The following BTC variants were observed in gnomAD, a reference collection of about 807,000 sequenced individuals.
The protein encoded by BTC is betacellulin.
In BTC, 13 loss-of-function variants were observed where a neutral mutation model predicts 18.1. That is an observed-to-expected ratio of 0.72 (90% CI 0.47 to 1.14). The LOEUF is 1.14. Among genes scored for constraint, BTC ranks in the 50% most tolerant of loss-of-function variants. The pLI is 0.00. For synonymous variants in BTC, 83 were observed against 79.4 expected (o/e 1.05, Z -0.24); for missense variants, 247 against 224.2 (o/e 1.10, Z -0.65).
chr4:74,790,763 T>C (rs1725602249), intron 1 of BTC, among the ~76,000 whole-genome samples: 3 of 152,132 alleles, frequency 2.0e-5, no homozygotes, highest in South Asian at 4.1e-4. Context: ...GTCTGACCAA[T>C]ACCAACTGAA....
intron 2 of BTC, among the ~76,000 whole-genome samples, chr4:74,757,318 G>C (rs1428203784): frequency 2.0e-5 from 3 of 152,214 alleles, no homozygotes; most frequent in Non-Finnish European, 4.4e-5. Flanking sequence ...TGTGATTCCA[G>C]GTCACAGTGC....
rs534476511 is a variant in BTC at position 74,775,200 on chromosome 4, G to T, written c.65-5044C>A. ...ACTTTGGAGCAAAGCCAAGCTGCAGGTTCTATTTTGGGGAATCATGGAAAA... is the reference window on the plus strand; with the variant it reads ...ACTTTGGAGCAAAGCCAAGCTGCAGTTTCTATTTTGGGGAATCATGGAAAA... On this transcript the variant is annotated intron_variant, in intron 1 of 5. Coordinates refer to ENST00000395743, the MANE Select transcript of BTC (RefSeq NM_001729.4). Among the ~76,000 whole-genome samples the T allele has an allele frequency of 5.3e-5, 8 of 152,234 alleles. No homozygotes were observed. The South Asian group carries it at 1.7e-3, about 32-fold the overall frequency.
At chr4:74,778,720 C>T (rs1203593963) in intron 1 of BTC, among the ~76,000 whole-genome samples, 1 of 152,170 alleles carries the variant, frequency 6.6e-6, no homozygotes, top group Non-Finnish European at 1.5e-5. Context: ...TCAGTTCTGA[C>T]CCCTTGGTGA....
intron 1 of BTC, among the ~76,000 whole-genome samples, chr4:74,792,688 G>C (rs1351294218): frequency 6.6e-6 from 1 of 152,066 alleles, no homozygotes; most frequent in Non-Finnish European, 1.5e-5. Flanking sequence ...ATGCTCATTC[G>C]CATCGCCAAC....
intron 2 of BTC, among the ~76,000 whole-genome samples, chr4:74,760,755 G>A (rs1724731946): frequency 7.1e-6 from 1 of 140,908 alleles, no homozygotes; most frequent in South Asian, 2.3e-4. Context: ...TTTTTTTTGA[G>A]GCGGAGTCTC....
At chr4:74,777,946 C>T (rs1319478639) in intron 1 of BTC, among the ~76,000 whole-genome samples, 1 of 151,898 alleles carries the variant, frequency 6.6e-6, no homozygotes, top group East Asian at 1.9e-4. Context: ...TACATCTTCA[C>T]TGTCAGGAAG....
At chr4:74,755,269 G>C (rs1724568292) in intron 3 of BTC, among the ~76,000 whole-genome samples, 1 of 152,124 alleles carries the variant, frequency 6.6e-6, no homozygotes, top group Non-Finnish European at 1.5e-5. Context: ...ACATTAGTGG[G>C]ATATCTTTTT....
chr4:74,769,946 G>A, intron 2 of BTC, 112 bp downstream of exon 2: 1 of 844,770 alleles, frequency 1.2e-6, no homozygotes. Context: ...AAAGCACTTA[G>A]CACAGTGACT....
At chr4:74,752,240 G>A (rs782058309) in intron 3 of BTC, among the ~76,000 whole-genome samples, 9 of 152,148 alleles carry the variant, frequency 5.9e-5, no homozygotes, top group Non-Finnish European at 1.0e-4. Context: ...ACCCAAGGAT[G>A]AATGAAAGAA....
At chr4:74,777,798 A>C (rs1252923562) in intron 1 of BTC, among the ~76,000 whole-genome samples, 1 of 146,000 alleles carries the variant, frequency 6.8e-6, no homozygotes, top group Non-Finnish European at 1.5e-5. Context: ...TATAGCTGAC[A>C]AAGTCAGATC....
At chr4:74,771,527 A>G (rs1273660113) in intron 1 of BTC, among the ~76,000 whole-genome samples, 2 of 152,160 alleles carry the variant, frequency 1.3e-5, no homozygotes, top group Non-Finnish European at 2.9e-5. Flanking sequence ...ATTAACCATA[A>G]CACAAAGTGC....
chr4:74,752,264 A>C (rs1400946749), intron 3 of BTC, among the ~76,000 whole-genome samples: 2 of 152,240 alleles, frequency 1.3e-5, no homozygotes, highest in Non-Finnish European at 2.9e-5. Flanking sequence ...TGCTTCCTGC[A>C]AGATAGCTAA....
At chr4:74,762,907 A>T (rs1315364060) in intron 2 of BTC, among the ~76,000 whole-genome samples, 2 of 152,178 alleles carry the variant, frequency 1.3e-5, no homozygotes, top group African/African-American at 4.8e-5. Flanking sequence ...AAATCAAATC[A>T]ACTGATTTTC....
intron 3 of BTC, among the ~76,000 whole-genome samples, chr4:74,755,498 G>T (rs1361904560): frequency 6.6e-6 from 1 of 152,106 alleles, no homozygotes; most frequent in African/African-American, 2.4e-5. Context: ...GAATTTCCTC[G>T]TATTTACACT....
At chr4:74,772,129 A>G (rs1267132404) in intron 1 of BTC, among the ~76,000 whole-genome samples, 3 of 152,214 alleles carry the variant, frequency 2.0e-5, no homozygotes, top group African/African-American at 7.2e-5. Flanking sequence ...CTATCCATAT[A>G]GTCAAAAGGT....
chr4:74,762,708 C>T (rs1577955403), intron 2 of BTC, among the ~76,000 whole-genome samples: 1 of 151,776 alleles, frequency 6.6e-6, no homozygotes, highest in Admixed American at 6.6e-5. Flanking sequence ...AAGAGTAGAC[C>T]CATCTACCTT....
At chr4:74,771,028 G>C (rs922847257) in intron 1 of BTC, among the ~76,000 whole-genome samples, 3 of 151,644 alleles carry the variant, frequency 2.0e-5, no homozygotes, top group African/African-American at 7.3e-5. Context: ...AAGAAGTGAC[G>C]AAAAGGCATG....
chr4:74,752,143 A>G (rs1028792446), intron 3 of BTC, among the ~76,000 whole-genome samples: 2 of 152,230 alleles, frequency 1.3e-5, no homozygotes, highest in African/African-American at 4.8e-5. Flanking sequence ...AAACAAAAAA[A>G]CAAGCTCAGT....
intron 4 of BTC, among the ~76,000 whole-genome samples, chr4:74,749,260 C>A (rs1332000214): frequency 6.6e-6 from 1 of 152,000 alleles, no homozygotes; most frequent in Admixed American, 6.6e-5. Context: ...AACCCCATCT[C>A]TACTACAACT....
Sources: allele counts gnomAD v4.1 joint callset (sites outside exome capture counted in the v4.1 genomes callset), GRCh38; gene constraint gnomAD v4.1.1; transcripts MANE v1.5; gene names NCBI Gene and HGNC (gene_info 2026-07-23, HGNC 2026-07-21).